The following CAPZB variants were observed in gnomAD, a reference collection of about 807,000 sequenced individuals.
CAPZB encodes the protein capping actin protein of muscle Z-line subunit beta, also known as F-actin-capping protein subunit beta.
CAPZB carries 2 observed loss-of-function variants against 38.1 expected under a neutral mutation model. The observed-to-expected ratio is 0.05, with a 90% CI of 0.02 to 0.17. CAPZB has a LOEUF of 0.17. CAPZB is among the 10% of genes least tolerant of loss of function. CAPZB has a pLI of 1.00. For synonymous variants in CAPZB, 107 were observed against 127.4 expected, an observed-to-expected ratio of 0.84 and a Z score of 1.08; for missense variants, 161 against 334.2, an observed-to-expected ratio of 0.48 and a Z score of 4.04.
intron 2 of CAPZB, among the ~76,000 whole-genome samples, chr1:19,415,481 G>A (rs943213922): frequency 1.3e-5 from 2 of 152,150 alleles, no homozygotes; most frequent in Non-Finnish European, 1.5e-5. Context: ...AATCCTTACA[G>A]AATAAAAGCA....
intron 1 of CAPZB, among the ~76,000 whole-genome samples, chr1:19,448,005 G>A (rs1287309304): frequency 2.0e-5 from 3 of 152,212 alleles, no homozygotes; most frequent in Non-Finnish European, 2.9e-5. Flanking sequence ...GGGCTTACTC[G>A]AGGGAACTGT....
chr1:19,430,703 C>T (rs955410109), intron 1 of CAPZB, among the ~76,000 whole-genome samples: 3 of 152,274 alleles, frequency 2.0e-5, no homozygotes, highest in East Asian at 1.9e-4. Context: ...ACACAGCTGG[C>T]GGCCGCCCAC....
At chr1:19,385,938 G>A (rs2094201732) in intron 2 of CAPZB, 4 of 438,124 alleles carry the variant, frequency 9.1e-6, no homozygotes, top group Non-Finnish European at 1.3e-5. Context: ...TATGTGCTTG[G>A]TATTGGTCTC....
intron 8 of CAPZB, among the ~76,000 whole-genome samples, chr1:19,340,467 T>A (rs1366082540): frequency 6.6e-6 from 1 of 152,202 alleles, no homozygotes; most frequent in African/African-American, 2.4e-5. Context: ...TTATGGAGAT[T>A]TCACAGTTTA....
chr1:19,440,866 T>C (rs554305457), intron 1 of CAPZB, among the ~76,000 whole-genome samples: 40 of 152,220 alleles, frequency 2.6e-4, no homozygotes, highest in Admixed American at 9.2e-4. Flanking sequence ...CGAGACCACC[T>C]TGGCTAACAT....
intron 1 of CAPZB, among the ~76,000 whole-genome samples, chr1:19,420,847 T>G (rs1185217434): frequency 6.6e-6 from 1 of 151,694 alleles, no homozygotes. Flanking sequence ...ATATAAAAAA[T>G]AAATAAATAA....
chr1:19,433,801 T>TC lies in CAPZB; in HGVS notation c.4-14052_4-14051insG, dbSNP rs1460999177. Among the ~76,000 whole-genome samples the TC allele has an allele frequency of 3.3e-5, 5 of 152,286 alleles. No homozygotes were observed. In the East Asian group the frequency reaches 9.6e-4, roughly 29 times the overall value. On this transcript the variant is annotated intron_variant, in intron 1 of 8. Transcript: ENST00000264202. ...TGGGCTCCAATTTCAGATGCCTGTGTGTGACTCAATATGGAAGACTCTATC... is the reference window on the plus strand; with the variant it reads ...TGGGCTCCAATTTCAGATGCCTGTGTCGTGACTCAATATGGAAGACTCTATC...
At chr1:19,399,371 C>T (rs2094290825) in intron 2 of CAPZB, among the ~76,000 whole-genome samples, 1 of 152,098 alleles carries the variant, frequency 6.6e-6, no homozygotes, top group South Asian at 2.1e-4. Context: ...GTCATGTGAC[C>T]CAGAGTTAGG....
chr1:19,385,763 T>C, intron 2 of CAPZB, 137 bp from the exon 3 acceptor site: 1 of 966,968 alleles, frequency 1.0e-6, no homozygotes, highest in Non-Finnish European at 1.7e-6. Flanking sequence ...ATTATGGGCC[T>C]GTTCTTTTCT....
At chr1:19,418,590 C>T (rs906659116) in intron 2 of CAPZB, among the ~76,000 whole-genome samples, 3 of 152,168 alleles carry the variant, frequency 2.0e-5, no homozygotes, top group African/African-American at 7.2e-5. Flanking sequence ...TGAGATACAG[C>T]AGGTTCCCAA....
chr1:19,388,398 G>A (rs1241015201), intron 2 of CAPZB, among the ~76,000 whole-genome samples: 1 of 152,164 alleles, frequency 6.6e-6, no homozygotes, highest in Non-Finnish European at 1.5e-5. Flanking sequence ...AAGAAAGGAG[G>A]GAAAGAGGGA....
At chr1:19,454,869 C>T (rs1041189666) in intron 1 of CAPZB, among the ~76,000 whole-genome samples, 1 of 152,190 alleles carries the variant, frequency 6.6e-6, no homozygotes, top group Non-Finnish European at 1.5e-5. Flanking sequence ...GTTTAAAATG[C>T]CCACTGCAGC....
At chr1:19,478,774 C>G (rs980945331) in intron 1 of CAPZB, among the ~76,000 whole-genome samples, 19 of 152,286 alleles carry the variant, frequency 1.2e-4, no homozygotes, top group African/African-American at 4.1e-4. Flanking sequence ...GAATGAATGA[C>G]CCGATGGAAA....
At chr1:19,368,386 G>A (rs2094101531) in intron 4 of CAPZB, among the ~76,000 whole-genome samples, 1 of 151,752 alleles carries the variant, frequency 6.6e-6, no homozygotes, top group African/African-American at 2.4e-5. Context: ...GCTCATGCCT[G>A]TAATCCCCAG....
At chr1:19,359,860 C>CA (rs1360216567) in intron 4 of CAPZB, among the ~76,000 whole-genome samples, 2 of 152,236 alleles carry the variant, frequency 1.3e-5, no homozygotes, top group Non-Finnish European at 2.9e-5. Flanking sequence ...CACTGGCACT[C>CA]AGAGATCCCA....
rs1460737379 is a variant in CAPZB, at chr1:19,450,192, A to T, written c.4-30442T>A. 4.0e-5 allele frequency among the ~76,000 whole-genome samples: 4 copies of T among 99,310 alleles called. No individual in the cohort carries two copies. In the East Asian group the frequency reaches 1.1e-3, roughly 28 times the overall value. The allele number at this position is 99,310 out of a possible 152,430, so 65.2% of individuals were successfully genotyped here. A position where few individuals can be genotyped will look rare whatever the true frequency, so the allele number is the denominator to read the frequency against. On this transcript the variant is annotated intron_variant, in intron 1 of 8. Coordinates refer to ENST00000264202, the MANE Select transcript of CAPZB (RefSeq NM_004930.5). ...AAAGAAAAGAAAAGAAAAGAAGAAA[A>T]AATGTAGTAATACAATACATGGAAA... is the stretch of plus-strand genomic sequence containing the variant.
rs374911283 is a variant in CAPZB at position 19,451,121 on chromosome 1, T to C, written c.4-31371A>G. ...GCGCCAAATCAGCCATGTTAAGGGG[T>C]TGTTATTGCACCTCTCCTCAGGACC... On this transcript the variant is annotated intron_variant, in intron 1 of 8. Coordinates refer to ENST00000264202, the MANE Select transcript of CAPZB (RefSeq NM_004930.5). Among the ~76,000 whole-genome samples, 5 of 152,084 alleles carry C rather than the reference T, an allele frequency of 3.3e-5. 1 individual carries two copies. Among genetic ancestry groups the C allele is most frequent in the East Asian group, 3.9e-4 (2 of 5,180 alleles).
At chr1:19,416,794 G>A (rs1455121956) in intron 2 of CAPZB, among the ~76,000 whole-genome samples, 1 of 145,380 alleles carries the variant, frequency 6.9e-6, no homozygotes, top group Non-Finnish European at 1.5e-5. Context: ...AGGAGTTTAG[G>A]AGGCTGCATT....
intron 1 of CAPZB, among the ~76,000 whole-genome samples, chr1:19,457,371 T>A (rs150488975): frequency 6.6e-6 from 1 of 152,208 alleles, no homozygotes; most frequent in African/African-American, 2.4e-5. Flanking sequence ...TCGCACTAAT[T>A]AGGCACCTTT....
Sources: gnomAD v4.1 joint callset for allele counts (sites outside exome capture counted in the v4.1 genomes callset) on GRCh38, gnomAD v4.1.1 for gene constraint, MANE v1.5 for transcripts, NCBI Gene and HGNC (gene_info 2026-07-23, HGNC 2026-07-21) for gene names.